The following KPNA1 variants were observed in gnomAD, a reference collection of about 807,000 sequenced individuals.
KPNA1 encodes karyopherin subunit alpha 1, also known as importin subunit alpha-5.
Under a neutral mutation model 70.5 loss-of-function variants are expected in KPNA1, and 10 were observed. The ratio of observed to expected loss-of-function variants is 0.14; its 90% CI spans 0.09 to 0.24. The LOEUF (loss-of-function observed/expected upper bound fraction) is 0.24. Ranked by LOEUF, KPNA1 falls within the 10% of genes least tolerant of loss-of-function variation. The pLI, the probability that KPNA1 is intolerant of heterozygous loss-of-function variation, is 1.00. For synonymous variants in KPNA1, 192 were observed against 221.9 expected (o/e 0.87, Z 1.20); for missense variants, 397 against 637.9 (o/e 0.62, Z 4.07).
chr3:122,452,572 GGGAAGGAAGGAAGGAA>G (rs1358767123), intron 6 of KPNA1, among the ~76,000 whole-genome samples: 2 of 22,418 alleles, frequency 8.9e-5, no homozygotes, highest in South Asian at 2.8e-3. Flanking sequence ...GAGGGAAGGA[GGGAAGGAAGGAAGGAA>G]GGAAGGAAGG....
chr3:122,482,575 GATGAC>G (rs566089707), intron 2 of KPNA1, among the ~76,000 whole-genome samples: 202 of 152,258 alleles, frequency 1.3e-3, no homozygotes, highest in African/African-American at 4.8e-3. Flanking sequence ...TTTATCTGTA[GATGAC>G]ATGATTGCCT....
intron 2 of KPNA1, 126 bp downstream of exon 2, chr3:122,496,311 A>G: frequency 2.2e-6 from 1 of 447,362 alleles, no homozygotes; most frequent in Middle Eastern, 5.3e-4. Context: ...TACAGGGGAG[A>G]AGGGGAAAAC....
rs2076320436 is a variant in KPNA1 at position 122,461,237 on chromosome 3, TTC to T, written c.417_418del (p.Asn140LeufsTer6). ...AATTATTCGCACCTGCAGTGTACAA[TTC>T]TCTTTTCGTTTGAGGAACTCCACAA... is the stretch of plus-strand genomic sequence containing the variant. On this transcript the variant is annotated frameshift_variant, in exon 5 of 14. Coordinates refer to ENST00000344337, the MANE Select transcript of KPNA1 (RefSeq NM_002264.4). LOFTEE classifies it high-confidence loss of function. 1 of 1,610,688 alleles carries T rather than the reference TTC, an allele frequency of 6.2e-7. No homozygotes were observed. Among genetic ancestry groups the T allele is most frequent in the African/African-American group, 1.3e-5 (1 of 74,838 alleles).
intron 9 of KPNA1, among the ~76,000 whole-genome samples, chr3:122,442,437 T>C (rs1363272200): frequency 6.6e-6 from 1 of 152,248 alleles, no homozygotes; most frequent in South Asian, 2.1e-4. Context: ...GGCTTTTGTA[T>C]GGTTGCTGAG....
chr3:122,488,388 G>A (rs1439032013), intron 2 of KPNA1, among the ~76,000 whole-genome samples: 1 of 151,954 alleles, frequency 6.6e-6, no homozygotes, highest in Non-Finnish European at 1.5e-5. Context: ...CAGATGTAGT[G>A]GTGCGTGCCT....
Position 122,422,231 on chromosome 3 carries a change from C to T in KPNA1, c.*4754G>A, listed in dbSNP as rs773623475. On this transcript the variant is annotated 3_prime_UTR_variant, in exon 14 of 14. Transcript: ENST00000344337. ...AAATTCGCATCCATGGCACTGCTTC[C>T]TGAGGCAGTAATTCTTCAAAGCCTT... 6.6e-6 allele frequency: 1 copy of T among 151,812 alleles called. No individual in the cohort carries two copies. Among genetic ancestry groups the T allele is most frequent in the Non-Finnish European group, 1.5e-5 (1 of 68,010 alleles). 9.4% of individuals were successfully genotyped at this position (151,812 alleles called of 1,614,324 possible).
At chr3:122,459,977 A>G (rs1025898286) in intron 5 of KPNA1, 2 of 985,378 alleles carry the variant, frequency 2.0e-6, no homozygotes, top group African/African-American at 3.5e-5. Context: ...CAGTGTCTAC[A>G]TGGCTCCAGC....
At chr3:122,459,514 G>A in intron 5 of KPNA1, 1 of 985,406 alleles carries the variant, frequency 1.0e-6, no homozygotes, top group Non-Finnish European at 1.2e-6. Flanking sequence ...GTTCTCGGCA[G>A]GTTGCTTAGG....
At chr3:122,507,795 T>C (rs1367929886) in intron 1 of KPNA1, among the ~76,000 whole-genome samples, 1 of 151,556 alleles carries the variant, frequency 6.6e-6, no homozygotes, top group Non-Finnish European at 1.5e-5. Flanking sequence ...GAAGATGACA[T>C]AAAGGGTTCG....
intron 2 of KPNA1, among the ~76,000 whole-genome samples, chr3:122,493,649 T>A (rs980389665): frequency 1.3e-5 from 2 of 152,204 alleles, no homozygotes; most frequent in African/African-American, 2.4e-5. Context: ...TTACAGGATA[T>A]GAGGAAGGAA....
At chr3:122,468,314 G>C (rs1233735764) in intron 2 of KPNA1, among the ~76,000 whole-genome samples, 1 of 152,160 alleles carries the variant, frequency 6.6e-6, no homozygotes, top group Non-Finnish European at 1.5e-5. Context: ...AAGGCCAAGA[G>C]ACCTAAAATT....
At chr3:122,430,026 C>G (rs1005704644) in intron 12 of KPNA1, among the ~76,000 whole-genome samples, 2 of 151,840 alleles carry the variant, frequency 1.3e-5, no homozygotes, top group African/African-American at 4.8e-5. Flanking sequence ...CTTTCTTCTG[C>G]TTGATCTGAT....
chr3:122,481,753 T>C (rs1297152764), intron 2 of KPNA1, among the ~76,000 whole-genome samples: 1 of 152,242 alleles, frequency 6.6e-6, no homozygotes, highest in Non-Finnish European at 1.5e-5. Context: ...TATTGTAATG[T>C]CAGACAAGTT....
At chr3:122,478,172 A>AAAAAAAAAAAAAAAAAAAAAAAAAAAG (rs1553790080) in intron 2 of KPNA1, among the ~76,000 whole-genome samples, 1 of 148,286 alleles carries the variant, frequency 6.7e-6, no homozygotes, top group African/African-American at 2.5e-5. Context: ...AAAAAAAAAA[A>AAAAAAAAAAAAAAAAAAAAAAAAAAAG]AAAAGAAAAG....
At chr3:122,465,807 T>C (rs866789055) in intron 3 of KPNA1, among the ~76,000 whole-genome samples, 2 of 152,170 alleles carry the variant, frequency 1.3e-5, no homozygotes, top group East Asian at 1.9e-4. Context: ...ATCCAATCAG[T>C]TGAAACCCTT....
At chr3:122,504,746 T>C (rs2076870944) in intron 1 of KPNA1, among the ~76,000 whole-genome samples, 1 of 152,130 alleles carries the variant, frequency 6.6e-6, no homozygotes, top group Non-Finnish European at 1.5e-5. Flanking sequence ...GATTTTTAAG[T>C]TTCACTCCTT....
chr3:122,426,941 G>T lies in KPNA1; in HGVS notation c.*44C>A. The T allele has an allele frequency of 6.5e-7, 1 of 1,530,636 alleles. No homozygotes were observed. The highest frequency in any genetic ancestry group is 1.1e-5 in the South Asian group (1 of 88,286). The allele number at this position is 1,530,636 out of a possible 1,614,324, so 94.8% of individuals were successfully genotyped here. ...GTGGGCTCCACAAGAGGACTCGACT[G>T]GGTAGCCTGGTCTGACACAGGTACG... On this transcript the variant is annotated 3_prime_UTR_variant, in exon 14 of 14. Transcript: ENST00000344337.
intron 1 of KPNA1, among the ~76,000 whole-genome samples, chr3:122,503,274 G>T (rs971445674): frequency 1.3e-5 from 2 of 149,948 alleles, no homozygotes; most frequent in Admixed American, 6.7e-5. Context: ...TATATATAAA[G>T]AAAGAAAGAA....
At chr3:122,470,409 A>G (rs2076427893) in intron 2 of KPNA1, among the ~76,000 whole-genome samples, 4 of 151,788 alleles carry the variant, frequency 2.6e-5, no homozygotes, top group Admixed American at 6.6e-5. Flanking sequence ...CTACCCAGGA[A>G]GCTGAGGCAG....
Sources: gnomAD v4.1 joint callset for allele counts (sites outside exome capture counted in the v4.1 genomes callset) on GRCh38, gnomAD v4.1.1 for gene constraint, MANE v1.5 for transcripts, NCBI Gene and HGNC (gene_info 2026-07-23, HGNC 2026-07-21) for gene names.